Variants in DMD observed in about 807,000 individuals in gnomAD.
DMD encodes the protein dystrophin, also known as mutant dystrophin.
A neutral mutation model predicts 330.1 loss-of-function variants in DMD; 63 were observed. The observed-to-expected ratio is 0.19, with a 90% CI of 0.16 to 0.24. DMD has a LOEUF of 0.24. Among genes scored for constraint, DMD ranks in the 10% least tolerant of loss-of-function variants. The pLI is 1.00. For synonymous variants in DMD, 1,223 were observed against 959.8 expected, an observed-to-expected ratio of 1.27 and a Z score of -5.07; for missense variants, 3,344 against 2,684.1, an observed-to-expected ratio of 1.25 and a Z score of -5.43.
intron 2 of DMD, among the ~76,000 whole-genome samples, chrX:32,967,028 C>T (rs777046187): frequency 1.8e-5 from 2 of 111,790 alleles, no homozygotes; most frequent in South Asian, 7.6e-4. Context: ...TTCATGAATT[C>T]TTCAGTGCTT....
At chrX:32,841,907 A>G (rs1278866937) in intron 4 of DMD, among the ~76,000 whole-genome samples, 3 of 112,073 alleles carry the variant, frequency 2.7e-5, no homozygotes, top group Non-Finnish European at 5.6e-5. Context: ...ATCCACAGAA[A>G]AGGAAAATAC....
intron 2 of DMD, among the ~76,000 whole-genome samples, chrX:33,007,002 T>C (rs2093410289): frequency 9.0e-6 from 1 of 110,517 alleles, no homozygotes; most frequent in African/African-American, 3.3e-5. Context: ...AATTCGATCA[T>C]TTCTCCCCAG....
rs72470508 is a variant in DMD at position 32,645,188 on chromosome X, A to C, written c.961-36T>G. On this transcript the variant is annotated intron_variant, in intron 9 of 78. Coordinates refer to ENST00000357033, the MANE Select transcript of DMD (RefSeq NM_004006.3). ...AAATAAATTGGGTGTTACACAATTA[A>C]TGTCTTTGCAGATTGTTCCAGTACA... 423 of 1,178,698 alleles carry C rather than the reference A, an allele frequency of 3.6e-4. 1 individual carries two copies. Among genetic ancestry groups the C allele is most frequent in the Non-Finnish European group, 4.1e-4 (354 of 867,652 alleles).
chrX:31,558,613 C>T (rs2074994591), intron 55 of DMD, among the ~76,000 whole-genome samples: 1 of 109,895 alleles, frequency 9.1e-6, no homozygotes, highest in African/African-American at 3.3e-5. Flanking sequence ...AAAGAAAGAA[C>T]TATGAAAGAA....
intron 7 of DMD, among the ~76,000 whole-genome samples, chrX:32,699,831 GA>G (rs1330037668): frequency 9.0e-6 from 1 of 111,575 alleles, no homozygotes; most frequent in African/African-American, 3.3e-5. Flanking sequence ...AAATTAAACA[GA>G]AAAATACCAT....
intron 1 of DMD, among the ~76,000 whole-genome samples, chrX:33,292,974 G>A (rs1197517694): frequency 9.0e-6 from 1 of 110,823 alleles, no homozygotes; most frequent in African/African-American, 3.3e-5. Context: ...ATCATCACAT[G>A]TATAGGTCTG....
At chrX:32,628,463 A>T (rs2058518204) in intron 11 of DMD, among the ~76,000 whole-genome samples, 1 of 104,825 alleles carries the variant, frequency 9.5e-6, no homozygotes, top group Non-Finnish European at 2.0e-5. Flanking sequence ...TTTCAAAAAA[A>T]CCTTCTTTTT....
At chrX:32,315,192 G>A (rs2097578853) in intron 41 of DMD, among the ~76,000 whole-genome samples, 1 of 111,606 alleles carries the variant, frequency 9.0e-6, no homozygotes, top group Non-Finnish European at 1.9e-5. Context: ...ATACACCATG[G>A]GACACTATGC....
chrX:32,334,044 C>T (rs1313992972), intron 41 of DMD, among the ~76,000 whole-genome samples: 1 of 111,488 alleles, frequency 9.0e-6, no homozygotes, highest in East Asian at 2.8e-4. Flanking sequence ...AGCTGATACT[C>T]GCTGAACATG....
At chrX:32,229,205 T>C (rs2097158778) in intron 43 of DMD, among the ~76,000 whole-genome samples, 1 of 111,320 alleles carries the variant, frequency 9.0e-6, no homozygotes, top group Non-Finnish European at 1.9e-5. Context: ...CATGTTGTTA[T>C]TGGATAGTTA....
intron 7 of DMD, among the ~76,000 whole-genome samples, chrX:32,716,951 C>G (rs1222628459): frequency 9.0e-6 from 1 of 111,461 alleles, no homozygotes; most frequent in Non-Finnish European, 1.9e-5. Flanking sequence ...TAAGATGTGA[C>G]CTGGCTTCTT....
intron 17 of DMD, among the ~76,000 whole-genome samples, chrX:32,522,229 T>C (rs1429995868): frequency 7.1e-5 from 8 of 112,025 alleles, no homozygotes; most frequent in African/African-American, 2.6e-4. Flanking sequence ...CCTGTCTCCA[T>C]AGCCAGAACC....
chrX:32,669,977 T>C (rs191658161), intron 9 of DMD, among the ~76,000 whole-genome samples: 99 of 111,610 alleles, frequency 8.9e-4, no homozygotes, highest in African/African-American at 3.2e-3. Context: ...GAACTGACGA[T>C]TCGTGCTTCT....
At chrX:31,412,464 C>T (rs766189450) in intron 60 of DMD, among the ~76,000 whole-genome samples, 21 of 111,986 alleles carry the variant, frequency 1.9e-4, no homozygotes, top group Non-Finnish European at 3.4e-4. Context: ...TCAGGGGATA[C>T]ATTTCATGAC....
intron 2 of DMD, among the ~76,000 whole-genome samples, chrX:32,905,213 T>G (rs1247788984): frequency 8.9e-6 from 1 of 111,899 alleles, no homozygotes; most frequent in Non-Finnish European, 1.9e-5. Flanking sequence ...CTATGAGCAT[T>G]TTTTAGATAA....
intron 43 of DMD, among the ~76,000 whole-genome samples, chrX:32,261,649 A>G (rs2097323901): frequency 8.9e-6 from 1 of 112,051 alleles, no homozygotes; most frequent in Non-Finnish European, 1.9e-5. Flanking sequence ...TAATGCCTCA[A>G]AAGAACAACC....
chrX:31,220,428 G>C (rs2045884270), intron 64 of DMD, among the ~76,000 whole-genome samples: 1 of 111,520 alleles, frequency 9.0e-6, no homozygotes, highest in Non-Finnish European at 1.9e-5. Context: ...GGCATTTTCC[G>C]CAACTTTATG....
intron 57 of DMD, among the ~76,000 whole-genome samples, chrX:31,492,507 T>C (rs771039648): frequency 8.9e-6 from 1 of 111,965 alleles, no homozygotes; most frequent in African/African-American, 3.2e-5. Flanking sequence ...GTGTCAAGAA[T>C]TTTTCTTAAA....
At chrX:31,886,741 G>A (rs1603537246) in intron 47 of DMD, among the ~76,000 whole-genome samples, 1 of 111,812 alleles carries the variant, frequency 8.9e-6, no homozygotes, top group African/African-American at 3.2e-5. Flanking sequence ...GGGGTTGGGT[G>A]TCGATGAGGT....
Sources: gnomAD v4.1 joint callset for allele counts (sites outside exome capture counted in the v4.1 genomes callset) on GRCh38, gnomAD v4.1.1 for gene constraint, MANE v1.5 for transcripts, NCBI Gene and HGNC (gene_info 2026-07-23, HGNC 2026-07-21) for gene names.